Variants in MSN observed in about 807,000 individuals in gnomAD.
MSN encodes the protein epididymis luminal protein 70.
Under a neutral mutation model 48.0 loss-of-function variants are expected in MSN, and 2 were observed. That is an observed-to-expected ratio of 0.04 (90% confidence interval 0.02 to 0.13). The LOEUF (loss-of-function observed/expected upper bound fraction) is 0.13. Ranked by LOEUF, MSN falls within the 10% of genes least tolerant of loss-of-function variation. The pLI is 1.00. For synonymous variants in MSN, 146 were observed against 166.9 expected, an observed-to-expected ratio of 0.87 and a Z score of 0.97; for missense variants, 267 against 470.1, an observed-to-expected ratio of 0.57 and a Z score of 3.99.
At chrX:65,734,236 T>C (rs1027808675) in intron 7 of MSN, among the ~76,000 whole-genome samples, 3 of 111,689 alleles carry the variant, frequency 2.7e-5, no homozygotes, top group Admixed American at 1.9e-4. Context: ...ATACTGCATG[T>C]CCAACAAGGC....
intron 1 of MSN, among the ~76,000 whole-genome samples, chrX:65,656,325 T>C (rs937212813): frequency 9.6e-6 from 1 of 103,736 alleles, no homozygotes; most frequent in Non-Finnish European, 2.0e-5. Context: ...TTGTTGTGAG[T>C]TGGGAGAGAG....
At chrX:65,623,820 A>G (rs939280831) in intron 1 of MSN, among the ~76,000 whole-genome samples, 1 of 109,471 alleles carries the variant, frequency 9.1e-6, no homozygotes, top group Admixed American at 9.8e-5. Flanking sequence ...CTCAAAAAAA[A>G]AAAAAAAATT....
intron 4 of MSN, 65 bp from the exon 5 acceptor site, chrX:65,731,042 G>T: frequency 2.1e-6 from 2 of 959,925 alleles, no homozygotes; most frequent in Non-Finnish European, 2.9e-6. Flanking sequence ...AGCTAAATGG[G>T]CTTCCCTTCT....
At chrX:65,605,674 T>C (rs946429350) in intron 1 of MSN, among the ~76,000 whole-genome samples, 1 of 111,516 alleles carries the variant, frequency 9.0e-6, no homozygotes, top group African/African-American at 3.3e-5. Context: ...CAACTCCTTC[T>C]CCTACTACTC....
chrX:65,697,187 G>C (rs2071252417), intron 1 of MSN, among the ~76,000 whole-genome samples: 1 of 109,444 alleles, frequency 9.1e-6, no homozygotes, highest in Admixed American at 9.7e-5. Flanking sequence ...GATTAGCCTA[G>C]GGGAACAGCA....
At chrX:65,612,867 G>T (rs73629460) in intron 1 of MSN, among the ~76,000 whole-genome samples, 4,835 of 103,264 alleles carry the variant, frequency 0.047, 278 homozygotes, top group African/African-American at 0.16. Context: ...TTTTTTTTTG[G>T]GGGGGGGTAC....
intron 1 of MSN, among the ~76,000 whole-genome samples, chrX:65,637,405 G>GAA (rs1206835966): frequency 4.4e-5 from 2 of 45,241 alleles, no homozygotes; most frequent in Non-Finnish European, 4.6e-5. Flanking sequence ...TCCATCTTAA[G>GAA]AAAAAAAAAA....
At chrX:65,738,447 C>T in intron 10 of MSN, 78 bp from the exon 11 acceptor site, 1 of 877,705 alleles carries the variant, frequency 1.1e-6, no homozygotes, top group Non-Finnish European at 1.6e-6. Flanking sequence ...ACTAGTCCCC[C>T]AGGGGACTTG....
At chrX:65,652,657 G>C (rs1460096931) in intron 1 of MSN, among the ~76,000 whole-genome samples, 2 of 111,184 alleles carry the variant, frequency 1.8e-5, no homozygotes, top group African/African-American at 6.5e-5. Flanking sequence ...CAGGAGCATG[G>C]GATCATTAAT....
chrX:65,623,007 A>G (rs932143499), intron 1 of MSN, among the ~76,000 whole-genome samples: 1 of 111,792 alleles, frequency 8.9e-6, no homozygotes, highest in African/African-American at 3.3e-5. Flanking sequence ...AATTGAGAAG[A>G]CCATGTGGGT....
intron 2 of MSN, among the ~76,000 whole-genome samples, chrX:65,722,404 C>CGTGTGTGTGT (rs55900091): frequency 0.015 from 1,464 of 94,662 alleles, 39 homozygotes; most frequent in African/African-American, 0.058. Context: ...CGTGCACGCT[C>CGTGTGTGTGT]GTGTGTGTGT....
At position 65,610,966 on chromosome X, in the gene MSN, C is replaced by T. The variant is rs755563918; in HGVS notation, c.-22+22354C>T. On this transcript the variant is annotated intron_variant, in intron 1 of 3. Coordinates refer to the MSN transcript ENST00000609672. ...TAAGCATATTCACATTGTTATATAACCAATCTCCAGAACTCTTTTCATCTT... is the reference window on the plus strand; with the variant it reads ...TAAGCATATTCACATTGTTATATAATCAATCTCCAGAACTCTTTTCATCTT... Among the ~76,000 whole-genome samples, 693 of 111,291 alleles carry T rather than the reference C, an allele frequency of 6.2e-3. 2 individuals carry two copies. The highest frequency in any genetic ancestry group is 0.014 in the Middle Eastern group (3 of 219).
At chrX:65,715,904 G>T (rs1009963377) in intron 1 of MSN, among the ~76,000 whole-genome samples, 1 of 111,628 alleles carries the variant, frequency 9.0e-6, no homozygotes, top group East Asian at 2.8e-4. Context: ...GTCTTGTGTC[G>T]GTTTTAAAAG....
chrX:65,592,484 G>A (rs959193203), intron 1 of MSN, among the ~76,000 whole-genome samples: 1 of 109,617 alleles, frequency 9.1e-6, no homozygotes. Flanking sequence ...GTGAGCCACT[G>A]TGCCTGGTCT....
intron 1 of MSN, among the ~76,000 whole-genome samples, chrX:65,603,580 CTAA>C (rs1460309841): frequency 9.0e-6 from 1 of 111,628 alleles, no homozygotes; most frequent in African/African-American, 3.3e-5. Context: ...AATTTAATTT[CTAA>C]TAATAATTTA....
At chrX:65,687,766 C>T (rs2071129645) in intron 1 of MSN, among the ~76,000 whole-genome samples, 1 of 111,766 alleles carries the variant, frequency 8.9e-6, no homozygotes, top group Admixed American at 9.5e-5. Context: ...GTTGAGAAGA[C>T]ATGTTTGAGT....
intron 1 of MSN, among the ~76,000 whole-genome samples, chrX:65,590,407 G>A (rs1045610961): frequency 2.7e-5 from 3 of 111,138 alleles, no homozygotes; most frequent in African/African-American, 6.5e-5. Context: ...CTTGGAAACC[G>A]TGGCTCTGGG....
At chrX:65,649,744 C>T (rs1301221695) in intron 1 of MSN, among the ~76,000 whole-genome samples, 5 of 107,323 alleles carry the variant, frequency 4.7e-5, no homozygotes, top group African/African-American at 1.7e-4. Flanking sequence ...GCTATGTGGC[C>T]TTGAGCTGGG....
chrX:65,699,748 CAAAAAAAAAAAA>C (rs34875923), intron 1 of MSN, among the ~76,000 whole-genome samples: 2 of 43,036 alleles, frequency 4.6e-5, no homozygotes, highest in East Asian at 9.4e-4. Flanking sequence ...GAATCTGTTT[CAAAAAAAAAAAA>C]AAAAAAAAAA....
Sources: allele counts gnomAD v4.1 joint callset (sites outside exome capture counted in the v4.1 genomes callset), GRCh38; gene constraint gnomAD v4.1.1; transcripts MANE v1.5; gene names NCBI Gene and HGNC (gene_info 2026-07-23, HGNC 2026-07-21).